SHC3: variants seen among roughly 807,000 people sequenced by gnomAD.
The protein encoded by SHC3 is SHC-transforming protein 3.
In SHC3, 15 loss-of-function variants were observed where a neutral mutation model predicts 60.4. That is an observed-to-expected ratio of 0.25 (90% CI 0.17 to 0.38). The LOEUF (loss-of-function observed/expected upper bound fraction) is 0.38, where lower values mean the gene tolerates loss of function less well. Ranked by LOEUF, SHC3 falls within the 10% of genes least tolerant of loss-of-function variation. SHC3 has a pLI of 1.00. For synonymous variants in SHC3, 294 were observed against 325.9 expected, an observed-to-expected ratio of 0.90 and a Z score of 1.05; for missense variants, 677 against 786.1, an observed-to-expected ratio of 0.86 and a Z score of 1.66.
chr9:89,059,730 G>GTTCTAGAAGAC lies in SHC3; in HGVS notation c.835+5798_835+5799insGTCTTCTAGAA, dbSNP rs1564109311. Reference sequence around the variant, plus strand: ...ATGGTGGAGGATGGTGGTGCAGGACGGTGGTGGAGGACGTGGTGGAGGATG... The same window carrying GTTCTAGAAGAC: ...ATGGTGGAGGATGGTGGTGCAGGACGTTCTAGAAGACGTGGTGGAGGACGTGGTGGAGGATG... On this transcript the variant is annotated intron_variant, in intron 6 of 11. Transcript: ENST00000375835. Among the ~76,000 whole-genome samples the GTTCTAGAAGAC allele has an allele frequency of 4.8e-3, 66 of 13,638 alleles. 1 individual carries two copies. In the East Asian group the frequency reaches 0.056, roughly 11 times the overall value. 8.9% of individuals were successfully genotyped at this position (13,638 alleles called of 152,430 possible).
chr9:89,024,661 G>A (rs998162614), intron 11 of SHC3, among the ~76,000 whole-genome samples: 8 of 152,210 alleles, frequency 5.3e-5, no homozygotes, highest in African/African-American at 1.2e-4. Flanking sequence ...AGTACAGTGC[G>A]TGGCATCAAG....
chr9:89,042,510 C>T (rs1226723454), intron 9 of SHC3, among the ~76,000 whole-genome samples: 2 of 152,242 alleles, frequency 1.3e-5, no homozygotes, highest in African/African-American at 4.8e-5. Flanking sequence ...TGCCTGACCT[C>T]CTCTCCTTGA....
chr9:89,069,075 G>A (rs1197184466), intron 5 of SHC3, among the ~76,000 whole-genome samples: 11 of 152,184 alleles, frequency 7.2e-5, no homozygotes, highest in African/African-American at 2.4e-4. Context: ...TTGGGAGGCC[G>A]AGGTGGGTGG....
At chr9:89,173,981 T>C (rs1826907083) in intron 1 of SHC3, among the ~76,000 whole-genome samples, 1 of 152,162 alleles carries the variant, frequency 6.6e-6, no homozygotes, top group Admixed American at 6.5e-5. Flanking sequence ...TCAAAATCAA[T>C]TTTTCAGTCT....
intron 4 of SHC3, among the ~76,000 whole-genome samples, chr9:89,074,863 T>TTTTTTTTTTTTTTTTCTTATTTTTTTTTG (rs1825331213): frequency 6.6e-6 from 1 of 152,068 alleles, no homozygotes. Flanking sequence ...TTTTTTTTTT[T>TTTTTTTTTTTTTTTTCTTATTTTTTTTTG]TACATTGCAA....
intron 1 of SHC3, among the ~76,000 whole-genome samples, chr9:89,135,693 G>A (rs777724063): frequency 2.0e-5 from 3 of 151,822 alleles, no homozygotes; most frequent in Non-Finnish European, 2.9e-5. Context: ...TTTTTTCTGC[G>A]ATTTAGACTG....
chr9:89,161,334 G>A (rs891780119), intron 1 of SHC3, among the ~76,000 whole-genome samples: 16 of 152,118 alleles, frequency 1.1e-4, no homozygotes, highest in African/African-American at 3.6e-4. Flanking sequence ...TCTTGCTCCC[G>A]CTTCTGCCAT....
chr9:89,057,466 G>C (rs977258153), intron 6 of SHC3, among the ~76,000 whole-genome samples: 1 of 151,650 alleles, frequency 6.6e-6, no homozygotes, highest in African/African-American at 2.4e-5. Context: ...CAGATTTGTG[G>C]GAATTTAAAA....
At chr9:89,099,250 G>T (rs74346317) in intron 2 of SHC3, among the ~76,000 whole-genome samples, 3,698 of 152,166 alleles carry the variant, frequency 0.024, 67 homozygotes, top group Middle Eastern at 0.068. Context: ...CACTTTTAGA[G>T]AACTCTTTTA....
intron 5 of SHC3, among the ~76,000 whole-genome samples, chr9:89,070,561 T>C (rs1449376301): frequency 6.6e-6 from 1 of 152,250 alleles, no homozygotes; most frequent in African/African-American, 2.4e-5. Flanking sequence ...AGCTGGATGC[T>C]GACATCCTAT....
intron 3 of SHC3, among the ~76,000 whole-genome samples, chr9:89,077,477 TA>T (rs1486596910): frequency 6.6e-6 from 1 of 152,240 alleles, no homozygotes; most frequent in Non-Finnish European, 1.5e-5. Flanking sequence ...AGCTGGTTGT[TA>T]AACATTTACC....
At chr9:89,125,408 G>C (rs1408021503) in intron 1 of SHC3, among the ~76,000 whole-genome samples, 3 of 151,710 alleles carry the variant, frequency 2.0e-5, no homozygotes, top group Non-Finnish European at 4.4e-5. Context: ...TGAGAACAGT[G>C]ATGGTGGTGT....
chr9:89,015,858 T>A lies in SHC3; in HGVS notation c.1657-2283A>T, dbSNP rs1014903049. On this transcript the variant is annotated intron_variant, in intron 11 of 11. Transcript: ENST00000375835. ...ATAAAAATCAAGATGAAAGCCTTCA[T>A]TCTAGTCAGGCTACAGAAGAGACTA... Among the ~76,000 whole-genome samples, 3 of 152,346 alleles carry A rather than the reference T, an allele frequency of 2.0e-5. No individual in the cohort carries two copies. In the South Asian group the frequency reaches 6.2e-4, roughly 32 times the overall value.
At chr9:89,164,567 G>T (rs972123579) in intron 1 of SHC3, among the ~76,000 whole-genome samples, 2 of 152,012 alleles carry the variant, frequency 1.3e-5, no homozygotes, top group Non-Finnish European at 2.9e-5. Context: ...AAGGAATTTG[G>T]ATTGAATTCT....
chr9:89,155,904 T>A (rs1308336051), intron 1 of SHC3, among the ~76,000 whole-genome samples: 1 of 152,208 alleles, frequency 6.6e-6, no homozygotes, highest in Non-Finnish European at 1.5e-5. Context: ...AATTCCATCT[T>A]TTATCATCAA....
intron 1 of SHC3, among the ~76,000 whole-genome samples, chr9:89,136,010 A>G (rs73498197): frequency 6.6e-6 from 1 of 152,164 alleles, no homozygotes; most frequent in Admixed American, 6.5e-5. Flanking sequence ...AACACTTATT[A>G]ATCTTCCAGA....
chr9:89,173,506 T>G (rs1315564146), intron 1 of SHC3, among the ~76,000 whole-genome samples: 2 of 152,256 alleles, frequency 1.3e-5, no homozygotes, highest in Non-Finnish European at 2.9e-5. Flanking sequence ...TAGCTTATCT[T>G]TTTCTTAAAC....
chr9:89,170,247 C>T (rs1047036373), intron 1 of SHC3, among the ~76,000 whole-genome samples: 2 of 152,242 alleles, frequency 1.3e-5, no homozygotes, highest in Non-Finnish European at 2.9e-5. Context: ...ATGGGCCAAC[C>T]TGTATTTTTG....
intron 1 of SHC3, among the ~76,000 whole-genome samples, chr9:89,159,011 T>C (rs1215544349): frequency 6.6e-6 from 1 of 152,114 alleles, no homozygotes; most frequent in Non-Finnish European, 1.5e-5. Flanking sequence ...TAGCATATAG[T>C]AGGGGGTAGA....
Sources: gnomAD v4.1 joint callset for allele counts (sites outside exome capture counted in the v4.1 genomes callset) on GRCh38, gnomAD v4.1.1 for gene constraint, MANE v1.5 for transcripts, NCBI Gene and HGNC (gene_info 2026-07-23, HGNC 2026-07-21) for gene names.